The following CHRM2 variants were observed in gnomAD, a reference collection of about 807,000 sequenced individuals.
CHRM2 encodes muscarinic acetylcholine receptor M2.
In CHRM2, 8 loss-of-function variants were observed where a neutral mutation model predicts 25.0. The ratio of observed to expected loss-of-function variants is 0.32; its 90% CI spans 0.19 to 0.58. The LOEUF is 0.58. CHRM2 is among the 20% of genes least tolerant of loss of function. The probability of loss-of-function intolerance (pLI) is 0.88; values close to 1 mark genes in which losing one functional copy is unlikely to be tolerated. For synonymous variants in CHRM2, 202 were observed against 205.7 expected (o/e 0.98, Z 0.15); for missense variants, 440 against 567.1 (o/e 0.78, Z 2.28).
intron 2 of CHRM2, among the ~76,000 whole-genome samples, chr7:136,912,631 C>G (rs1468111391): frequency 1.3e-5 from 2 of 151,844 alleles, no homozygotes; most frequent in Non-Finnish European, 2.9e-5. Flanking sequence ...CCCAGAACTT[C>G]CAGCTCTTGA....
At chr7:136,873,379 C>G (rs961525163) in intron 2 of CHRM2, among the ~76,000 whole-genome samples, 21 of 152,218 alleles carry the variant, frequency 1.4e-4, no homozygotes, top group African/African-American at 4.1e-4. Context: ...TGGCATTATT[C>G]TAAGCATCTT....
chr7:136,992,118 T>G (rs1803272409), intron 2 of CHRM2, 69 bp from the exon 3 acceptor site: 1 of 152,152 alleles, frequency 6.6e-6, no homozygotes, highest in African/African-American at 2.4e-5. Flanking sequence ...ACTAATATAC[T>G]CCATTTTTCT....
chr7:136,919,868 T>C (rs1798329621), intron 2 of CHRM2, among the ~76,000 whole-genome samples: 1 of 152,188 alleles, frequency 6.6e-6, no homozygotes, highest in African/African-American at 2.4e-5. Flanking sequence ...TTCTTATGTA[T>C]ACTTCAGTCA....
chr7:137,005,961 C>G (rs939242018), intron 3 of CHRM2, among the ~76,000 whole-genome samples: 3 of 152,096 alleles, frequency 2.0e-5, no homozygotes, highest in Non-Finnish European at 4.4e-5. Context: ...TAATCATAGA[C>G]AGTCTGTAGC....
chr7:136,945,725 T>C (rs1800037306), intron 2 of CHRM2, among the ~76,000 whole-genome samples: 1 of 152,068 alleles, frequency 6.6e-6, no homozygotes, highest in South Asian at 2.1e-4. Context: ...TTCAGTCACA[T>C]ATAGCATGAA....
intron 2 of CHRM2, among the ~76,000 whole-genome samples, chr7:136,945,762 C>A (rs1325494643): frequency 1.3e-5 from 2 of 152,066 alleles, no homozygotes; most frequent in East Asian, 3.9e-4. Context: ...ATTCTCACCT[C>A]AATTTTTAAG....
rs1804733010 is a variant in CHRM2 at position 137,010,513 on chromosome 7, A to G, written c.-46-4307A>G. Among the ~76,000 whole-genome samples the G allele has an allele frequency of 1.3e-5, 2 of 152,080 alleles. 1 individual carries two copies. Among genetic ancestry groups the G allele is most frequent in the South Asian group, 4.1e-4 (2 of 4,826 alleles). ...CCGCAACACATCTAAAAACTTTTACAGAAATTTAAAGAGTAGAATTGGCAT... is the reference window on the plus strand; with the variant it reads ...CCGCAACACATCTAAAAACTTTTACGGAAATTTAAAGAGTAGAATTGGCAT... On this transcript the variant is annotated intron_variant, in intron 3 of 3. Transcript: ENST00000680005.
At chr7:136,891,577 T>C (rs1796692677) in intron 2 of CHRM2, among the ~76,000 whole-genome samples, 1 of 152,180 alleles carries the variant, frequency 6.6e-6, no homozygotes, top group Admixed American at 6.5e-5. Flanking sequence ...TCCCTCTCTT[T>C]ATCACACCCT....
At chr7:136,931,316 T>C (rs949710366) in intron 2 of CHRM2, among the ~76,000 whole-genome samples, 6 of 152,218 alleles carry the variant, frequency 3.9e-5, no homozygotes, top group African/African-American at 1.4e-4. Flanking sequence ...CAGGAACAGC[T>C]GAAACCCAGG....
At chr7:136,949,668 A>G (rs1800281693) in intron 2 of CHRM2, among the ~76,000 whole-genome samples, 1 of 151,982 alleles carries the variant, frequency 6.6e-6, no homozygotes, top group African/African-American at 2.4e-5. Flanking sequence ...TACTTGCTCT[A>G]TATGAGTCAA....
chr7:136,944,459 ATATG>A (rs908046509), intron 2 of CHRM2, among the ~76,000 whole-genome samples: 15 of 100,672 alleles, frequency 1.5e-4, no homozygotes, highest in East Asian at 6.6e-4. Flanking sequence ...CATATTCCAT[ATATG>A]TATGTATGTA....
chr7:136,918,642 T>G (rs1047358366), intron 2 of CHRM2, among the ~76,000 whole-genome samples: 4 of 152,072 alleles, frequency 2.6e-5, no homozygotes, highest in Non-Finnish European at 5.9e-5. Flanking sequence ...CTCAGGTTGG[T>G]CTCAAACTCC....
At chr7:136,894,108 C>T (rs1796797261) in intron 2 of CHRM2, among the ~76,000 whole-genome samples, 1 of 152,078 alleles carries the variant, frequency 6.6e-6, no homozygotes, top group African/African-American at 2.4e-5. Context: ...TTGGAGGTGA[C>T]ATCACTGCAT....
Position 136,982,450 on chromosome 7 carries a change from G to T in CHRM2, c.-124-9737G>T, listed in dbSNP as rs187233974. ...GGCATTTATCCCATTTACATTTAAG[G>T]TTAATATTGTTATGTGTAAATTCGA... is the stretch of plus-strand genomic sequence containing the variant. On this transcript the variant is annotated intron_variant, in intron 2 of 3. Coordinates refer to ENST00000680005, the MANE Select transcript of CHRM2 (RefSeq NM_001006630.2). Among the ~76,000 whole-genome samples the T allele has an allele frequency of 6.4e-4, 97 of 152,218 alleles. 2 individuals are homozygous for T. The East Asian group carries it at 0.014, about 23-fold the overall frequency.
intron 2 of CHRM2, among the ~76,000 whole-genome samples, chr7:136,930,926 A>T (rs1350986966): frequency 1.4e-5 from 2 of 145,690 alleles, no homozygotes; most frequent in East Asian, 3.9e-4. Flanking sequence ...AAAAAAAAAA[A>T]AGGATAGAAA....
chr7:136,964,908 C>A (rs891997489), intron 2 of CHRM2, among the ~76,000 whole-genome samples: 16 of 152,078 alleles, frequency 1.1e-4, no homozygotes, highest in Non-Finnish European at 2.1e-4. Flanking sequence ...CCTTTCTGAA[C>A]CTTTTTAGTA....
At chr7:136,957,211 G>A (rs373248936) in intron 2 of CHRM2, among the ~76,000 whole-genome samples, 15 of 152,140 alleles carry the variant, frequency 9.9e-5, no homozygotes, top group African/African-American at 3.6e-4. Flanking sequence ...TACATCTTTT[G>A]GGGGCAGCCC....
rs140368272 is a variant in CHRM2, at chr7:136,962,182, G to C, written c.-124-30005G>C. On this transcript the variant is annotated intron_variant, in intron 2 of 3. Coordinates refer to ENST00000680005, the MANE Select transcript of CHRM2 (RefSeq NM_001006630.2). ...CAGAGTCTTGCTCTTTTGTCTAAACGAGTGCAGTGGTGCAATCTTGGCTCA... is the reference window on the plus strand; with the variant it reads ...CAGAGTCTTGCTCTTTTGTCTAAACCAGTGCAGTGGTGCAATCTTGGCTCA... Among the ~76,000 whole-genome samples the C allele has an allele frequency of 5.8e-3, 873 of 151,352 alleles. 13 individuals carry two copies. Among genetic ancestry groups the C allele is most frequent in the African/African-American group, 0.02 (819 of 41,172 alleles).
chr7:136,942,688 G>T (rs1403920922), intron 2 of CHRM2, among the ~76,000 whole-genome samples: 1 of 152,122 alleles, frequency 6.6e-6, no homozygotes, highest in African/African-American at 2.4e-5. Flanking sequence ...AGGGCAGGCT[G>T]CTTCTCATCA....
Sources: gnomAD v4.1 joint callset for allele counts (sites outside exome capture counted in the v4.1 genomes callset) on GRCh38, gnomAD v4.1.1 for gene constraint, MANE v1.5 for transcripts, NCBI Gene and HGNC (gene_info 2026-07-23, HGNC 2026-07-21) for gene names.